Variants in MDM2 observed in about 807,000 individuals in gnomAD.
MDM2 encodes the protein E3 ubiquitin-protein ligase Mdm2.
In MDM2, 11 loss-of-function variants were observed where a neutral mutation model predicts 64.3. The ratio of observed to expected loss-of-function variants is 0.17; its 90% CI spans 0.11 to 0.28. MDM2 has a LOEUF of 0.28. Among genes scored for constraint, MDM2 ranks in the 10% least tolerant of loss-of-function variants. The probability of loss-of-function intolerance (pLI) is 1.00; values close to 1 mark genes in which losing one functional copy is unlikely to be tolerated. For synonymous variants in MDM2, 194 were observed against 192.9 expected (o/e 1.01, Z -0.05); for missense variants, 388 against 577.1 (o/e 0.67, Z 3.36).
At chr12:68,830,149 C>G (rs191787783) in intron 8 of MDM2, among the ~76,000 whole-genome samples, 1 of 152,026 alleles carries the variant, frequency 6.6e-6, no homozygotes, top group Admixed American at 6.5e-5. Flanking sequence ...ATGTCGCCCA[C>G]GGAAACCAAA....
intron 5 of MDM2, among the ~76,000 whole-genome samples, chr12:68,820,682 A>G (rs1881769114): frequency 6.6e-6 from 1 of 152,194 alleles, no homozygotes; most frequent in Non-Finnish European, 1.5e-5. Context: ...ATGTATTGAA[A>G]GGCTTTGGGA....
At chr12:68,828,643 T>G in intron 7 of MDM2, 128 bp from the exon 8 acceptor site, 1 of 692,424 alleles carries the variant, frequency 1.4e-6, no homozygotes, top group Non-Finnish European at 2.4e-6. Flanking sequence ...TTGGACAGAT[T>G]CAATAAAACA....
intron 4 of MDM2, among the ~76,000 whole-genome samples, chr12:68,818,045 T>C (rs1881537678): frequency 6.6e-6 from 1 of 152,102 alleles, no homozygotes; most frequent in African/African-American, 2.4e-5. Flanking sequence ...CCACCTGCCA[T>C]GGCCTCCCAA....
In MDM2 at chr12:68,829,419, T is replaced by G. The variant is rs371691693; in HGVS notation, c.684+488T>G. Among the ~76,000 whole-genome samples the G allele has an allele frequency of 2.7e-4, 41 of 152,182 alleles. 4 individuals are homozygous for G. Among genetic ancestry groups the G allele is most frequent in the Admixed American group, 1.9e-3 (29 of 15,268 alleles). On this transcript the variant is annotated intron_variant, in intron 8 of 10. Coordinates refer to ENST00000258149, the MANE Select transcript of MDM2 (RefSeq NM_002392.6). ...AGTCAGCATAGTCTGAACTTAACATTTGCCAAATAGGTCTAGACATCAGGT... is the reference window on the plus strand; with the variant it reads ...AGTCAGCATAGTCTGAACTTAACATGTGCCAAATAGGTCTAGACATCAGGT...
chr12:68,837,854 AT>A (rs36025270), intron 10 of MDM2, among the ~76,000 whole-genome samples: 1 of 151,828 alleles, frequency 6.6e-6, no homozygotes, highest in Non-Finnish European at 1.5e-5. Flanking sequence ...AATAAATTCC[AT>A]TTTTTCTGAG....
Position 68,828,845 on chromosome 12 carries a change from G to A in MDM2, c.598G>A (p.Asp200Asn). 1 of 1,613,944 alleles carries A rather than the reference G, an allele frequency of 6.2e-7. No homozygotes were observed. Among genetic ancestry groups the A allele is most frequent in the Non-Finnish European group, 8.5e-7 (1 of 1,179,962 alleles). ...HKSDSISLSFDESLALCVIRE... is the reference protein window; with the variant it reads ...HKSDSISLSFNESLALCVIRE... ...ATCTGATAGTATTTCCCTTTCCTTT[G>A]ATGAAAGCCTGGCTCTGTGTGTAAT... Residue 200 changes from aspartate (D) to asparagine (N), a missense_variant, in exon 8 of 11, where the codon GAT (aspartate) becomes AAT (asparagine). Physicochemically the swap from Asp to Asn is conservative, Grantham distance 23. Transcript: ENST00000258149.
At chr12:68,826,224 A>G (rs2136142589) in intron 7 of MDM2, among the ~76,000 whole-genome samples, 1 of 152,104 alleles carries the variant, frequency 6.6e-6, no homozygotes, top group South Asian at 2.1e-4. Context: ...TGATCTATCA[A>G]ATTAGTAAAA....
chr12:68,822,703 G>A (rs1289314632), intron 5 of MDM2, among the ~76,000 whole-genome samples: 1 of 151,008 alleles, frequency 6.6e-6, no homozygotes, highest in African/African-American at 2.4e-5. Flanking sequence ...GATATCAGTA[G>A]AATTAACTTC....
intron 3 of MDM2, chr12:68,814,553 A>G: frequency 2.8e-6 from 1 of 351,878 alleles, no homozygotes; most frequent in South Asian, 2.2e-5. Context: ...ATAAGAATAG[A>G]ATTTTTTTTT....
chr12:68,834,866 A>G (rs1438796354), intron 8 of MDM2, among the ~76,000 whole-genome samples: 1 of 152,108 alleles, frequency 6.6e-6, no homozygotes, highest in Admixed American at 6.5e-5. Context: ...ATATGCTCCT[A>G]CCCTTAGCCA....
At chr12:68,827,348 A>G (rs1417216523) in intron 7 of MDM2, among the ~76,000 whole-genome samples, 1 of 151,848 alleles carries the variant, frequency 6.6e-6, no homozygotes, top group Non-Finnish European at 1.5e-5. Flanking sequence ...GATTTTTCAT[A>G]TGTTTATTAG....
chr12:68,845,339 A>T lies in MDM2; in HGVS notation c.*5490A>T. On this transcript the variant is annotated 3_prime_UTR_variant, in exon 11 of 11. Transcript: ENST00000258149. ...TTACAAATAATACTTTGAGGTAGAT[A>T]TCTGAAAGCACCAGCACTTGGAAGG... 1 of 212,318 alleles carries T rather than the reference A, an allele frequency of 4.7e-6. No homozygotes were observed. The highest frequency in any genetic ancestry group is 9.5e-6 in the Non-Finnish European group (1 of 104,912). The allele number at this position is 212,318 out of a possible 1,614,324, so 13.2% of individuals were successfully genotyped here. A position where few individuals can be genotyped will look rare whatever the true frequency, so the allele number is the denominator to read the frequency against.
At chr12:68,837,249 G>C (rs1169476523) in intron 10 of MDM2, among the ~76,000 whole-genome samples, 1 of 151,978 alleles carries the variant, frequency 6.6e-6, no homozygotes, top group Non-Finnish European at 1.5e-5. Flanking sequence ...TCACTGCCCA[G>C]CTGAATTTGT....
chr12:68,842,394 C>A lies in MDM2; in HGVS notation c.*2545C>A. On this transcript the variant is annotated 3_prime_UTR_variant, in exon 11 of 11. Coordinates refer to ENST00000258149, the MANE Select transcript of MDM2 (RefSeq NM_002392.6). ...CATGGCAGAGGTTTCCTAAAAATCT[C>A]ATTATCTATAACCATTTCTATATTT... The A allele has an allele frequency of 2.0e-6, 1 of 492,166 alleles. No homozygotes were observed. The highest frequency in any genetic ancestry group is 4.0e-6 in the Non-Finnish European group (1 of 248,596). 30.5% of individuals were successfully genotyped at this position (492,166 alleles called of 1,614,324 possible).
Position 68,839,926 on chromosome 12 carries a change from A to G in MDM2, c.*77A>G, listed in dbSNP as rs1883616815. Reference sequence around the variant, plus strand: ...TTTAGACAACCTGAAATTTATTCACATATATCAAAGTGAGAAAATGCCTCA... The same window carrying G: ...TTTAGACAACCTGAAATTTATTCACGTATATCAAAGTGAGAAAATGCCTCA... On this transcript the variant is annotated 3_prime_UTR_variant, in exon 11 of 11. Transcript: ENST00000258149. 1 of 1,325,748 alleles carries G rather than the reference A, an allele frequency of 7.5e-7. No individual in the cohort carries two copies. The highest frequency in any genetic ancestry group is 1.0e-6 in the Non-Finnish European group (1 of 969,734). The allele number at this position is 1,325,748 out of a possible 1,614,324, so 82.1% of individuals were successfully genotyped here.
chr12:68,808,896 G>A, intron 1 of MDM2: 2 of 1,361,716 alleles, frequency 1.5e-6, no homozygotes, highest in Non-Finnish European at 9.4e-7. Flanking sequence ...TCAGTGGGCA[G>A]GTTGACTCAG....
rs537611260 is a variant in MDM2, at chr12:68,808,340, T to A, written c.-138T>A. On this transcript the variant is annotated 5_prime_UTR_variant, in exon 1 of 11. Transcript: ENST00000258149. Reference sequence around the variant, plus strand: ...CCAGGAGCACCGTCCCTCCCCGGATTAGTGCGTACGAGCGCCCAGTGCCCT... The same window carrying A: ...CCAGGAGCACCGTCCCTCCCCGGATAAGTGCGTACGAGCGCCCAGTGCCCT... 5 of 1,114,052 alleles carry A rather than the reference T, an allele frequency of 4.5e-6. No homozygotes were observed. The highest frequency in any genetic ancestry group is 6.7e-6 in the Non-Finnish European group (5 of 746,874). 69.0% of individuals were successfully genotyped at this position (1,114,052 alleles called of 1,614,324 possible).
At position 68,808,437 on chromosome 12, in the gene MDM2, G is replaced by T. The variant is rs1327339438; in HGVS notation, c.-41G>T. On this transcript the variant is annotated 5_prime_UTR_variant, in exon 1 of 11. Transcript: ENST00000258149. The stretch of plus-strand genomic sequence containing the variant: ...CGCGCGCCCCGTGAAGGAAACTGGG[G>T]AGTCTTGAGGGACCCCCGACTCCAA... 2 of 1,613,972 alleles carry T rather than the reference G, an allele frequency of 1.2e-6. No homozygotes were observed. Among genetic ancestry groups the T allele is most frequent in the Non-Finnish European group, 1.7e-6 (2 of 1,179,984 alleles).
At position 68,844,085 on chromosome 12, in the gene MDM2, TC is replaced by T; in HGVS notation, c.*4237del. The T allele has an allele frequency of 4.8e-6, 1 of 206,880 alleles. No homozygotes were observed. Among genetic ancestry groups the T allele is most frequent in the Non-Finnish European group, 9.9e-6 (1 of 101,428 alleles). 12.8% of individuals were successfully genotyped at this position (206,880 alleles called of 1,614,324 possible). A position where few individuals can be genotyped will look rare whatever the true frequency, so the allele number is the denominator to read the frequency against. On this transcript the variant is annotated 3_prime_UTR_variant, in exon 11 of 11. Coordinates refer to ENST00000258149, the MANE Select transcript of MDM2 (RefSeq NM_002392.6). ...GACAGCTATTTTTACAAAATTTAAA[TC>T]TGCAAATGGATTCAACATGTTTATG... is the stretch of plus-strand genomic sequence containing the variant.
Sources: allele counts gnomAD v4.1 joint callset (sites outside exome capture counted in the v4.1 genomes callset), GRCh38; gene constraint gnomAD v4.1.1; transcripts MANE v1.5; gene names NCBI Gene and HGNC (gene_info 2026-07-23, HGNC 2026-07-21).